The following MAGI2 variants were observed in gnomAD, a reference collection of about 807,000 sequenced individuals.
The protein encoded by MAGI2 is membrane associated guanylate kinase, WW and PDZ domain containing 2.
In MAGI2, 35 loss-of-function variants were observed where a neutral mutation model predicts 133.3. The ratio of observed to expected loss-of-function variants is 0.26; its 90% CI spans 0.20 to 0.35. The LOEUF (loss-of-function observed/expected upper bound fraction) is 0.35. Ranked by LOEUF, MAGI2 falls within the 10% of genes least tolerant of loss-of-function variation. MAGI2 has a pLI of 1.00. For synonymous variants in MAGI2, 729 were observed against 710.6 expected (o/e 1.03, Z -0.41); for missense variants, 1,636 against 1,863.4 (o/e 0.88, Z 2.25).
chr7:78,615,565 T>A (rs546803751), intron 3 of MAGI2: 137 of 152,302 alleles, frequency 9.0e-4, no homozygotes, highest in African/African-American at 3.2e-3. Flanking sequence ...AGGGAACAGA[T>A]CCCTTTGGGA....
At chr7:78,064,318 T>G (rs1264190902) in intron 21 of MAGI2, among the ~76,000 whole-genome samples, 1 of 132,676 alleles carries the variant, frequency 7.5e-6, no homozygotes, top group East Asian at 2.3e-4. Context: ...AAGGAATGAC[T>G]GTGATGGTTT....
chr7:78,324,170 C>CATACT (rs1554344885), intron 9 of MAGI2, among the ~76,000 whole-genome samples: 1 of 127,216 alleles, frequency 7.9e-6, no homozygotes, highest in Admixed American at 7.7e-5. Context: ...CACTACACTA[C>CATACT]ACACTACACT....
At chr7:78,693,404 T>C (rs1181819164) in intron 2 of MAGI2, among the ~76,000 whole-genome samples, 1 of 152,180 alleles carries the variant, frequency 6.6e-6, no homozygotes, top group Non-Finnish European at 1.5e-5. Flanking sequence ...AAAATATTCT[T>C]ACGATGTGTA....
At chr7:78,561,558 T>C (rs1367813058) in intron 3 of MAGI2, among the ~76,000 whole-genome samples, 1 of 151,530 alleles carries the variant, frequency 6.6e-6, no homozygotes, top group Non-Finnish European at 1.5e-5. Flanking sequence ...ATGGCAAAAA[T>C]AGAATTAGGA....
chr7:78,710,839 GATT>G (rs1819116095), intron 2 of MAGI2, among the ~76,000 whole-genome samples: 1 of 152,104 alleles, frequency 6.6e-6, no homozygotes, highest in Non-Finnish European at 1.5e-5. Context: ...CAAAATTGAT[GATT>G]ATTACCAAAG....
At chr7:79,433,406 A>G (rs1847914635) in intron 1 of MAGI2, among the ~76,000 whole-genome samples, 1 of 152,068 alleles carries the variant, frequency 6.6e-6, no homozygotes, top group Non-Finnish European at 1.5e-5. Flanking sequence ...ACAAAAAATT[A>G]GCCGGGCGTG....
At chr7:78,816,722 C>T (rs1789614022) in intron 2 of MAGI2, among the ~76,000 whole-genome samples, 1 of 152,024 alleles carries the variant, frequency 6.6e-6, no homozygotes, top group Non-Finnish European at 1.5e-5. Context: ...CTGTTGAGAA[C>T]TACTGCTTAG....
chr7:79,206,533 T>A (rs904849779), intron 1 of MAGI2, among the ~76,000 whole-genome samples: 5 of 151,646 alleles, frequency 3.3e-5, no homozygotes, highest in African/African-American at 1.2e-4. Context: ...AAATAGAAAC[T>A]CTTAACAGAT....
intron 2 of MAGI2, among the ~76,000 whole-genome samples, chr7:78,886,801 T>C (rs1222773015): frequency 6.6e-6 from 1 of 152,202 alleles, no homozygotes; most frequent in Non-Finnish European, 1.5e-5. Context: ...AATTATATGT[T>C]TCTAAAGGTA....
chr7:78,070,512 G>A (rs1226812209), intron 21 of MAGI2, among the ~76,000 whole-genome samples: 2 of 145,746 alleles, frequency 1.4e-5, no homozygotes, highest in African/African-American at 2.5e-5. Flanking sequence ...GTATATATAT[G>A]TGTGTATATA....
At chr7:78,827,206 A>G (rs1790740014) in intron 2 of MAGI2, among the ~76,000 whole-genome samples, 2 of 152,324 alleles carry the variant, frequency 1.3e-5, no homozygotes, top group Admixed American at 1.3e-4. Flanking sequence ...TACCTAGGGC[A>G]CAAATATTGG....
intron 3 of MAGI2, among the ~76,000 whole-genome samples, chr7:78,542,874 G>A (rs1798528323): frequency 6.6e-6 from 1 of 152,130 alleles, no homozygotes; most frequent in Non-Finnish European, 1.5e-5. Context: ...TTACGCTGTG[G>A]AAAACAGATT....
chr7:79,085,661 T>C (rs1259105938), intron 1 of MAGI2, among the ~76,000 whole-genome samples: 1 of 152,014 alleles, frequency 6.6e-6, no homozygotes, highest in Non-Finnish European at 1.5e-5. Flanking sequence ...GTGTTGTTGT[T>C]AGTTCATTGA....
chr7:78,342,002 C>CT (rs1328542580), intron 9 of MAGI2, among the ~76,000 whole-genome samples: 4 of 152,102 alleles, frequency 2.6e-5, no homozygotes, highest in African/African-American at 9.7e-5. Context: ...GCAAAAGAAA[C>CT]TATCATCAAA....
At chr7:79,105,901 T>G (rs1236022954) in intron 1 of MAGI2, among the ~76,000 whole-genome samples, 1 of 152,136 alleles carries the variant, frequency 6.6e-6, no homozygotes, top group East Asian at 1.9e-4. Flanking sequence ...TTAAACACAT[T>G]AATAAATCCA....
At chr7:79,141,811 C>A (rs1822160133) in intron 1 of MAGI2, among the ~76,000 whole-genome samples, 1 of 151,938 alleles carries the variant, frequency 6.6e-6, no homozygotes, top group South Asian at 2.1e-4. Context: ...AAATTCTTAA[C>A]ATCTCCTTAG....
intron 2 of MAGI2, among the ~76,000 whole-genome samples, chr7:78,952,738 G>C (rs1468124585): frequency 6.6e-6 from 1 of 151,992 alleles, no homozygotes; most frequent in Non-Finnish European, 1.5e-5. Flanking sequence ...ACTTTTAGAT[G>C]GATTTAGAAG....
chr7:78,568,232 A>G (rs1801147603), intron 3 of MAGI2: 2 of 152,116 alleles, frequency 1.3e-5, no homozygotes, highest in Non-Finnish European at 2.9e-5. Flanking sequence ...CTCATTTCCT[A>G]TATGAAGTCA....
intron 6 of MAGI2, among the ~76,000 whole-genome samples, chr7:78,481,741 T>C (rs1792401452): frequency 6.6e-6 from 1 of 151,672 alleles, no homozygotes; most frequent in African/African-American, 2.4e-5. Flanking sequence ...ACCTAACTCT[T>C]ATACATTTAA....
Sources: allele counts gnomAD v4.1 joint callset (sites outside exome capture counted in the v4.1 genomes callset), GRCh38; gene constraint gnomAD v4.1.1; transcripts MANE v1.5; gene names NCBI Gene and HGNC (gene_info 2026-07-23, HGNC 2026-07-21).